RIN2: variants seen among roughly 807,000 people sequenced by gnomAD.
RIN2 encodes the protein Ras and Rab interactor 2.
Under a neutral mutation model 78.0 loss-of-function variants are expected in RIN2, and 36 were observed. That is an observed-to-expected ratio of 0.46 (90% CI 0.35 to 0.61). The LOEUF is 0.61. RIN2 is among the 20% of genes least tolerant of loss of function. The pLI, the probability that RIN2 is intolerant of heterozygous loss-of-function variation, is 0.00. For missense variants in RIN2, 1,087 were observed against 1,159.7 expected (o/e 0.94, Z 0.91); for synonymous variants, 466 against 466.8 (o/e 1.00, Z 0.02).
chr20:19,855,838 G>A (rs1481479954), intron 2 of RIN2, among the ~76,000 whole-genome samples: 3 of 152,168 alleles, frequency 2.0e-5, no homozygotes, highest in Non-Finnish European at 4.4e-5. Context: ...CACTTTGGGA[G>A]GCCAAGGCGG....
chr20:19,781,388 G>C (rs1362438642), intron 1 of RIN2, among the ~76,000 whole-genome samples: 2 of 152,184 alleles, frequency 1.3e-5, no homozygotes, highest in African/African-American at 4.8e-5. Flanking sequence ...TGGAGGTTAG[G>C]AAATCTCCTT....
At chr20:19,935,230 C>T (rs1046339293) in intron 4 of RIN2, 31 bp downstream of exon 4, 25 of 1,544,382 alleles carry the variant, frequency 1.6e-5, no homozygotes, top group Admixed American at 1.1e-4. Flanking sequence ...GTGATGGGTG[C>T]GAGAAAGGGA....
chr20:19,952,712 C>A (rs2041369235), intron 4 of RIN2, among the ~76,000 whole-genome samples: 1 of 152,120 alleles, frequency 6.6e-6, no homozygotes, highest in African/African-American at 2.4e-5. Context: ...CACACATGAG[C>A]ATCACGATTG....
chr20:19,900,945 CAAAAAAAAAAAAAAAAA>C lies in RIN2; in HGVS notation c.57+11299_57+11315del, dbSNP rs869239642. The stretch of plus-strand genomic sequence containing the variant: ...GGCCTGGGCAACAAGAGCTCTGTCT[CAAAAAAAAAAAAAAAAA>C]AAAAAAAAAAAGAAATGTACTTCTT... On this transcript the variant is annotated intron_variant, in intron 3 of 12. Transcript: ENST00000255006. Among the ~76,000 whole-genome samples, 3 of 29,572 alleles carry C rather than the reference CAAAAAAAAAAAAAAAAA, an allele frequency of 1.0e-4. No individual in the cohort carries two copies. The East Asian group carries it at 3.8e-3, about 38-fold the overall frequency. The allele number at this position is 29,572 out of a possible 152,430, so 19.4% of individuals were successfully genotyped here.
At chr20:19,896,422 G>A (rs910314502) in intron 3 of RIN2, among the ~76,000 whole-genome samples, 7 of 152,124 alleles carry the variant, frequency 4.6e-5, no homozygotes, top group Non-Finnish European at 1.0e-4. Context: ...ACTCCTGCTA[G>A]TCAGTAATTT....
chr20:19,806,473 A>G (rs1256571929), intron 2 of RIN2, among the ~76,000 whole-genome samples: 1 of 152,204 alleles, frequency 6.6e-6, no homozygotes, highest in Non-Finnish European at 1.5e-5. Flanking sequence ...TATATCCTGT[A>G]CGTTGCCACC....
Position 19,882,095 on chromosome 20 carries a change from G to C in RIN2, c.-36-7471G>C, listed in dbSNP as rs529893762. On this transcript the variant is annotated intron_variant, in intron 2 of 12. Transcript: ENST00000255006. ...GGAAAGTGAAAAAAACTTGGTCTGA[G>C]AAAAATGATACTGGTAGAAGAAAAC... Among the ~76,000 whole-genome samples, 248 of 152,268 alleles carry C rather than the reference G, an allele frequency of 1.6e-3. 2 individuals carry two copies. Among genetic ancestry groups the C allele is most frequent in the African/African-American group, 5.7e-3 (235 of 41,556 alleles).
chr20:19,842,380 T>C, intron 2 of RIN2, among the ~76,000 whole-genome samples: 1 of 122,878 alleles, frequency 8.1e-6, no homozygotes, highest in African/African-American at 3.0e-5. Flanking sequence ...CTCACCACCA[T>C]CCCTGGCTTT....
At chr20:19,762,794 G>A (rs768103602) in intron 1 of RIN2, among the ~76,000 whole-genome samples, 4 of 150,562 alleles carry the variant, frequency 2.7e-5, no homozygotes, top group Admixed American at 2.0e-4. Flanking sequence ...ATAGAGTTTC[G>A]CTCTTGTTGC....
chr20:19,836,582 T>A (rs192884399), intron 2 of RIN2, among the ~76,000 whole-genome samples: 47 of 152,156 alleles, frequency 3.1e-4, no homozygotes, highest in African/African-American at 1.1e-3. Flanking sequence ...AATCTACCAA[T>A]TAGGAGACCA....
At position 19,975,136 on chromosome 20, in the gene RIN2, G is replaced by A; in HGVS notation, c.1111G>A (p.Glu371Lys). The A allele has an allele frequency of 2.5e-6, 4 of 1,613,232 alleles. No homozygotes were observed. The highest frequency in any genetic ancestry group is 2.2e-5 in the South Asian group (2 of 91,090). ...LKKQASFLEAEGGAKTLSGGR... is the reference protein window; with the variant it reads ...LKKQASFLEAKGGAKTLSGGR... ...GAAGCAGGCTTCTTTTCTGGAAGCA[G>A]AGGGCGGTGCAAAGACCTTGAGCGG... Residue 371 changes from glutamate (E) to lysine (K), a missense_variant, in exon 9 of 13, where the codon GAG becomes AAG. Glu to Lys is a moderately conservative substitution (Grantham distance 56). Transcript: ENST00000255006. The surrounding 1 kb of genome is among the most constrained non-coding windows in gnomAD (Gnocchi z 4.9).
chr20:19,810,991 G>A (rs1460229206), intron 2 of RIN2, among the ~76,000 whole-genome samples: 3 of 151,468 alleles, frequency 2.0e-5, no homozygotes, highest in South Asian at 2.1e-4. Context: ...GATTACAGGC[G>A]TGAACCACCG....
chr20:19,975,858 A>G lies in RIN2; in HGVS notation c.1762+71A>G. On this transcript the variant is annotated intron_variant, in intron 9 of 12. Transcript: ENST00000255006. The surrounding 1 kb of genome is among the most constrained non-coding windows in gnomAD (Gnocchi z 4.9). ...CCGGGCAGTGCAACCTATGTTTGTT[A>G]TTTTTTATGAAGTTTACTCCGAAGT... The G allele has an allele frequency of 1.4e-6, 2 of 1,401,736 alleles. No individual in the cohort carries two copies. Among genetic ancestry groups the G allele is most frequent in the Non-Finnish European group, 2.0e-6 (2 of 1,012,412 alleles). The allele number at this position is 1,401,736 out of a possible 1,614,324, so 86.8% of individuals were successfully genotyped here.
chr20:19,833,380 G>T (rs944889672), intron 2 of RIN2, among the ~76,000 whole-genome samples: 1 of 151,964 alleles, frequency 6.6e-6, no homozygotes, highest in South Asian at 2.1e-4. Context: ...TTTGCTGAAC[G>T]TATTGACTCA....
At chr20:19,874,331 T>C (rs2037789166) in intron 2 of RIN2, among the ~76,000 whole-genome samples, 1 of 152,212 alleles carries the variant, frequency 6.6e-6, no homozygotes, top group South Asian at 2.1e-4. Flanking sequence ...ATGAAAATGC[T>C]GTGACCAGGG....
At chr20:19,805,003 C>T (rs902842713) in intron 2 of RIN2, among the ~76,000 whole-genome samples, 2 of 152,104 alleles carry the variant, frequency 1.3e-5, no homozygotes, top group Admixed American at 1.3e-4. Flanking sequence ...TCCATTTCTG[C>T]TAGATTTTCT....
rs1341544050 is a variant in RIN2 at position 19,761,589 on chromosome 20, A to G, written c.-163+3262A>G. 2.2e-4 allele frequency among the ~76,000 whole-genome samples: 33 copies of G among 152,188 alleles called. 1 individual carries two copies. Among genetic ancestry groups the G allele is most frequent in the Admixed American group, 2.2e-3 (33 of 15,280 alleles). On this transcript the variant is annotated intron_variant, in intron 1 of 12. Transcript: ENST00000255006. ...TAGGGAATTGTTTAGTTCTCCCAAA[A>G]TCTTATAATGTCTAGGCCAACTTCC...
At chr20:19,973,615 C>T (rs1054082360) in intron 8 of RIN2, among the ~76,000 whole-genome samples, 1 of 152,060 alleles carries the variant, frequency 6.6e-6, no homozygotes, top group Non-Finnish European at 1.5e-5. Flanking sequence ...ATGGTGAAAC[C>T]CCGTCTCTCC....
chr20:19,904,240 AATATATATATATATATATAT>A (rs1194516982), intron 3 of RIN2, among the ~76,000 whole-genome samples: 2 of 91,694 alleles, frequency 2.2e-5, no homozygotes, highest in South Asian at 3.2e-4. Context: ...TCAAAAAAAA[AATATATATATATATATATAT>A]AAAATATATA....
Sources: allele counts gnomAD v4.1 joint callset (sites outside exome capture counted in the v4.1 genomes callset), GRCh38; gene constraint gnomAD v4.1.1; non-coding constraint Gnocchi (gnomAD v3.1); transcripts MANE v1.5; gene names NCBI Gene and HGNC (gene_info 2026-07-23, HGNC 2026-07-21).